The following SPEG variants were observed in gnomAD, a reference collection of about 807,000 sequenced individuals.
The protein encoded by SPEG is striated muscle preferentially expressed protein kinase.
SPEG carries 114 observed loss-of-function variants against 300.4 expected under a neutral mutation model. That is an observed-to-expected ratio of 0.38 (90% CI 0.33 to 0.44). The LOEUF is 0.44. SPEG is among the 20% of genes least tolerant of loss of function. SPEG has a pLI of 1.00. For synonymous variants in SPEG, 1,964 were observed against 2,018.9 expected (o/e 0.97, Z 0.73); for missense variants, 4,201 against 4,586.2 (o/e 0.92, Z 2.43).
rs1400928823 is a variant in SPEG, at chr2:219,477,483, C to T, written c.4729+38C>T. ...TCCGGAGAAAGGTAAAGCGCACACC[C>T]CCTGGAATCTGATGTGACCCTCCAT... is the stretch of plus-strand genomic sequence containing the variant. On this transcript the variant is annotated intron_variant, in intron 20 of 40. Transcript: ENST00000312358. The surrounding 1 kb of genome is among the most constrained non-coding windows in gnomAD (Gnocchi z 6.4). 2.0e-6 allele frequency: 3 copies of T among 1,526,416 alleles called. No individual in the cohort carries two copies. In the African/African-American group the frequency reaches 4.1e-5, roughly 21 times the overall value. 94.6% of individuals were successfully genotyped at this position (1,526,416 alleles called of 1,614,324 possible).
rs752154042 is a variant in SPEG at position 219,464,456 on chromosome 2, G to A, written c.2729G>A (p.Arg910His). 8 of 1,612,120 alleles carry A rather than the reference G, an allele frequency of 5.0e-6. No individual in the cohort carries two copies. The highest frequency in any genetic ancestry group is 1.7e-5 in the Admixed American group (1 of 60,002). Residue 910 changes from arginine to histidine, a missense_variant, in exon 9 of 41, where the codon CGC (arginine) becomes CAC (histidine). Physicochemically the swap from Arg to His is conservative, Grantham distance 29. Coordinates refer to ENST00000312358, the MANE Select transcript of SPEG (RefSeq NM_005876.5). This position sits in a 1 kb window ranked among gnomAD's most constrained non-coding sequence, Gnocchi z 4.5. ...VSWLRNRQPV[R>H]PDQRRFAEEA... ...AGGCTGAGAAACCGCCAGCCCGTGCGCCCAGACCAGCGGCGCTTTGCGGAG... is the reference window on the plus strand; with the variant it reads ...AGGCTGAGAAACCGCCAGCCCGTGCACCCAGACCAGCGGCGCTTTGCGGAG...
rs1402942717 is a variant in SPEG, at chr2:219,481,439, G to A, written c.5505G>A (p.Val1835=). The change falls in exon 27 of 41, where the codon GTG becomes GTA. Residue 1835 remains valine (V), a synonymous_variant. Coordinates refer to ENST00000312358, the MANE Select transcript of SPEG (RefSeq NM_005876.5). This position sits in a 1 kb window ranked among gnomAD's most constrained non-coding sequence, Gnocchi z 5.4. ...SREARGFLIK[V]LVQDRLRPTA... Reference sequence around the variant, plus strand: ...AGGCCCGGGGCTTCCTCATCAAAGTGTTGGTGCAGGACCGGCTGTGAGTAC... The same window carrying A: ...AGGCCCGGGGCTTCCTCATCAAAGTATTGGTGCAGGACCGGCTGTGAGTAC... 1 of 1,614,024 alleles carries A rather than the reference G, an allele frequency of 6.2e-7. No individual in the cohort carries two copies. The highest frequency in any genetic ancestry group is 8.5e-7 in the Non-Finnish European group (1 of 1,180,034).
intron 6 of SPEG, among the ~76,000 whole-genome samples, chr2:219,453,360 CG>C (rs1481339150): frequency 2.6e-5 from 4 of 152,352 alleles, no homozygotes; most frequent in African/African-American, 9.6e-5. Context: ...ACCGTCCTCA[CG>C]GATGAAAGCG....
Sources: gnomAD v4.1 joint callset for allele counts (sites outside exome capture counted in the v4.1 genomes callset) on GRCh38, gnomAD v4.1.1 for gene constraint, Gnocchi (gnomAD v3.1) non-coding constraint, MANE v1.5 for transcripts, NCBI Gene and HGNC (gene_info 2026-07-23, HGNC 2026-07-21) for gene names.